The following RAPGEF5 variants were observed in gnomAD, a reference collection of about 807,000 sequenced individuals.
RAPGEF5 encodes the protein M-Ras-regulated GEF.
A neutral mutation model predicts 125.2 loss-of-function variants in RAPGEF5; 65 were observed. The ratio of observed to expected loss-of-function variants is 0.52; its 90% CI spans 0.43 to 0.64. The LOEUF (loss-of-function observed/expected upper bound fraction) is 0.64. Ranked by LOEUF, RAPGEF5 falls within the 30% of genes least tolerant of loss-of-function variation. RAPGEF5 has a pLI of 0.00. For synonymous variants in RAPGEF5, 391 were observed against 385.9 expected (o/e 1.01, Z -0.16); for missense variants, 958 against 1,048.1 (o/e 0.91, Z 1.19).
intron 6 of RAPGEF5, among the ~76,000 whole-genome samples, chr7:22,279,873 G>A (rs2128144503): frequency 6.6e-6 from 1 of 152,304 alleles, no homozygotes; most frequent in East Asian, 1.9e-4. Context: ...CAAGAGGGCT[G>A]GCAAATGGGG....
intron 6 of RAPGEF5, among the ~76,000 whole-genome samples, chr7:22,277,903 T>C (rs117877423): frequency 1.9e-3 from 286 of 152,334 alleles, no homozygotes; most frequent in Middle Eastern, 3.4e-3. Context: ...CTTAATTCTA[T>C]CTGTAAAGCA....
intron 5 of RAPGEF5, among the ~76,000 whole-genome samples, chr7:22,298,180 GT>G (rs71550471): frequency 0.49 from 66,987 of 137,314 alleles, 16,426 homozygotes; most frequent in East Asian, 0.66. Flanking sequence ...TCTGTTTTTT[GT>G]TTTTTTTTTT....
chr7:22,133,934 G>A (rs922084389), intron 23 of RAPGEF5, among the ~76,000 whole-genome samples: 2 of 152,134 alleles, frequency 1.3e-5, no homozygotes, highest in African/African-American at 4.8e-5. Context: ...GGCTTATTGG[G>A]AACTGACTTT....
rs1273509624 is a variant in RAPGEF5, at chr7:22,122,540, A to G, written c.2537-19T>C. On this transcript the variant is annotated intron_variant, in intron 25 of 25. Transcript: ENST00000665637. ...AGGTCACCTGTTGTTTAGAGGGGGAAAAAAGACAATCTCAGGAGAGCAGTA... is the reference window on the plus strand; with the variant it reads ...AGGTCACCTGTTGTTTAGAGGGGGAGAAAAGACAATCTCAGGAGAGCAGTA... 1.3e-6 allele frequency: 2 copies of G among 1,557,940 alleles called. No individual in the cohort carries two copies. Among genetic ancestry groups the G allele is most frequent in the Non-Finnish European group, 1.8e-6 (2 of 1,130,260 alleles).
intron 1 of RAPGEF5, among the ~76,000 whole-genome samples, chr7:22,328,126 T>C (rs1195207360): frequency 6.6e-6 from 1 of 152,148 alleles, no homozygotes; most frequent in Non-Finnish European, 1.5e-5. Context: ...CGTGGCAGAG[T>C]GCCTGTCACA....
chr7:22,135,777 GA>G, intron 23 of RAPGEF5, among the ~76,000 whole-genome samples: 1 of 152,130 alleles, frequency 6.6e-6, no homozygotes, highest in Non-Finnish European at 1.5e-5. Context: ...TAGAGTAAAA[GA>G]AAAACACAAA....
chr7:22,331,046 C>T (rs901054248), intron 1 of RAPGEF5, among the ~76,000 whole-genome samples: 1 of 152,204 alleles, frequency 6.6e-6, no homozygotes, highest in Admixed American at 6.5e-5. Flanking sequence ...CCACCACATT[C>T]CCTCCTGAGT....
intron 25 of RAPGEF5, among the ~76,000 whole-genome samples, chr7:22,123,245 T>G (rs1378841588): frequency 6.6e-6 from 1 of 152,134 alleles, no homozygotes; most frequent in Admixed American, 6.5e-5. Flanking sequence ...TAGTGCACTG[T>G]GAACACATCC....
intron 11 of RAPGEF5, among the ~76,000 whole-genome samples, chr7:22,176,268 T>A (rs1394225457): frequency 6.6e-6 from 1 of 152,112 alleles, no homozygotes; most frequent in Non-Finnish European, 1.5e-5. Context: ...GTCCCTCCCA[T>A]GACATGCAGG....
chr7:22,321,235 T>G (rs1324501423), intron 1 of RAPGEF5, among the ~76,000 whole-genome samples: 2 of 152,168 alleles, frequency 1.3e-5, no homozygotes, highest in Admixed American at 6.5e-5. Context: ...TCCTTTAATA[T>G]TCACAAATGG....
chr7:22,174,644 T>C (rs1247312811), intron 11 of RAPGEF5, among the ~76,000 whole-genome samples: 1 of 151,934 alleles, frequency 6.6e-6, no homozygotes, highest in Admixed American at 6.6e-5. Flanking sequence ...GCTAAAGAAA[T>C]AGGTTGGAGG....
At chr7:22,288,679 C>G (rs559566288) in intron 6 of RAPGEF5, among the ~76,000 whole-genome samples, 1 of 152,000 alleles carries the variant, frequency 6.6e-6, no homozygotes, top group Non-Finnish European at 1.5e-5. Flanking sequence ...CCCGCCACCA[C>G]GCCCAGCTAA....
chr7:22,264,910 A>G (rs1378341169), intron 7 of RAPGEF5, among the ~76,000 whole-genome samples: 3 of 152,200 alleles, frequency 2.0e-5, no homozygotes, highest in African/African-American at 7.2e-5. Flanking sequence ...TTGTCTCTTT[A>G]TCATGACGAG....
intron 9 of RAPGEF5, among the ~76,000 whole-genome samples, chr7:22,211,958 G>A (rs1785515827): frequency 8.3e-6 from 1 of 119,784 alleles, no homozygotes; most frequent in South Asian, 2.9e-4. Flanking sequence ...TATCACATGT[G>A]TTCTCTTTTT....
chr7:22,230,574 T>C (rs1001336947), intron 8 of RAPGEF5, among the ~76,000 whole-genome samples: 1 of 152,240 alleles, frequency 6.6e-6, no homozygotes, highest in Admixed American at 6.5e-5. Flanking sequence ...TTCAGGGGAA[T>C]GTCTGCCCTT....
At chr7:22,250,464 A>C (rs2128138148) in intron 7 of RAPGEF5, among the ~76,000 whole-genome samples, 1 of 152,320 alleles carries the variant, frequency 6.6e-6, no homozygotes, top group African/African-American at 2.4e-5. Context: ...ACTATGGAAT[A>C]TTATTTACTT....
intron 16 of RAPGEF5, among the ~76,000 whole-genome samples, 175 bp from the exon 17 acceptor site, chr7:22,154,779 T>C (rs181124321): frequency 2.2e-4 from 34 of 152,330 alleles, no homozygotes; most frequent in Admixed American, 4.6e-4. Context: ...CCTGAGGGTA[T>C]ACGTCTATAA....
rs143457300 is a variant in RAPGEF5 at position 22,263,210 on chromosome 7, G to A, written c.796+3754C>T. Among the ~76,000 whole-genome samples, 346 of 152,256 alleles carry A rather than the reference G, an allele frequency of 2.3e-3. 2 individuals carry two copies. The highest frequency in any genetic ancestry group is 4.0e-3 in the Non-Finnish European group (270 of 68,004). ...CTATAAAGGAGCAACATGAGGGATC[G>A]CTGTGTTGATGAAAATGTTAATGTT... On this transcript the variant is annotated intron_variant, in intron 7 of 25. Coordinates refer to ENST00000665637, the MANE Select transcript of RAPGEF5 (RefSeq NM_012294.5).
At chr7:22,130,932 C>T in intron 24 of RAPGEF5, 105 bp downstream of exon 24, 1 of 1,428,866 alleles carries the variant, frequency 7.0e-7, no homozygotes, top group Middle Eastern at 1.8e-4. Context: ...ATTCGCCATG[C>T]ATCCAATGGA....
Sources: allele counts gnomAD v4.1 joint callset (sites outside exome capture counted in the v4.1 genomes callset), GRCh38; gene constraint gnomAD v4.1.1; transcripts MANE v1.5; gene names NCBI Gene and HGNC (gene_info 2026-07-23, HGNC 2026-07-21).